Variants in UBE2E2 observed in about 807,000 individuals in gnomAD.
The protein encoded by UBE2E2 is ubiquitin-conjugating enzyme E2 E2.
A neutral mutation model predicts 24.7 loss-of-function variants in UBE2E2; 6 were observed. The ratio of observed to expected loss-of-function variants is 0.24; its 90% confidence interval spans 0.13 to 0.48. The LOEUF (loss-of-function observed/expected upper bound fraction) is 0.48, where lower values mean the gene tolerates loss of function less well. Ranked by LOEUF, UBE2E2 falls within the 20% of genes least tolerant of loss-of-function variation. The probability of loss-of-function intolerance (pLI) is 0.99; values close to 1 mark genes in which losing one functional copy is unlikely to be tolerated. For missense variants in UBE2E2, 169 were observed against 245.0 expected, an observed-to-expected ratio of 0.69 and a Z score of 2.07; for synonymous variants, 104 against 83.6, an observed-to-expected ratio of 1.24 and a Z score of -1.33.
intron 3 of UBE2E2, among the ~76,000 whole-genome samples, chr3:23,245,738 A>G (rs1224073575): frequency 7.2e-5 from 11 of 152,178 alleles, no homozygotes; most frequent in Admixed American, 5.2e-4. Context: ...GCACCATCAT[A>G]TCTGTTATCT....
At chr3:23,502,226 C>G (rs1183241384) in intron 4 of UBE2E2, among the ~76,000 whole-genome samples, 1 of 81,000 alleles carries the variant, frequency 1.2e-5, no homozygotes, top group East Asian at 4.0e-4. Flanking sequence ...ATTTTTCTCT[C>G]TTTTGCTCTT....
At chr3:23,339,123 C>T (rs1391643692) in intron 3 of UBE2E2, among the ~76,000 whole-genome samples, 4 of 152,022 alleles carry the variant, frequency 2.6e-5, no homozygotes, top group South Asian at 2.1e-4. Context: ...GTACTGAGAA[C>T]GACACAACAT....
intron 3 of UBE2E2, among the ~76,000 whole-genome samples, chr3:23,268,025 T>C (rs1446642389): frequency 6.6e-6 from 1 of 151,584 alleles, no homozygotes; most frequent in Non-Finnish European, 1.5e-5. Context: ...CTAAAAACTC[T>C]CAATAAATTA....
chr3:23,591,699 A>G lies in UBE2E2; in HGVS notation c.*1868A>G, dbSNP rs541950815. On this transcript the variant is annotated 3_prime_UTR_variant, in exon 6 of 6. Coordinates refer to ENST00000396703, the MANE Select transcript of UBE2E2 (RefSeq NM_152653.4). ...GGGTTGTAGTTTGCCAATCCCTGAC[A>G]CAGACCAACATAGACTGGGGGCTGG... The G allele has an allele frequency of 1.1e-4, 16 of 152,340 alleles. No homozygotes were observed. In the South Asian group the frequency reaches 3.3e-3, roughly 32 times the overall value. The allele number at this position is 152,340 out of a possible 1,614,324, so 9.4% of individuals were successfully genotyped here. A position where few individuals can be genotyped will look rare whatever the true frequency, so the allele number is the denominator to read the frequency against.
At chr3:23,501,911 GA>G (rs906164817) in intron 4 of UBE2E2, among the ~76,000 whole-genome samples, 3 of 145,756 alleles carry the variant, frequency 2.1e-5, no homozygotes, top group Non-Finnish European at 4.6e-5. Flanking sequence ...TCTCTAAGGA[GA>G]AAAAAAAAAG....
chr3:23,391,362 C>T (rs1196037611), intron 3 of UBE2E2, among the ~76,000 whole-genome samples: 2 of 152,090 alleles, frequency 1.3e-5, no homozygotes, highest in African/African-American at 4.8e-5. Context: ...ATATGCAAAC[C>T]ATAGTTCAGG....
intron 3 of UBE2E2, among the ~76,000 whole-genome samples, chr3:23,412,060 A>T (rs1009020277): frequency 2.0e-5 from 3 of 152,162 alleles, no homozygotes; most frequent in African/African-American, 7.2e-5. Flanking sequence ...AGCAACACTT[A>T]GATGACAGTG....
rs530885346 is a variant in UBE2E2 at position 23,455,959 on chromosome 3, A to C, written c.228-43649A>C. On this transcript the variant is annotated intron_variant, in intron 3 of 5. Transcript: ENST00000396703. ...GTTGTTTGGCAGTATTTTACCCACA[A>C]TGTAACTTCTTTCAAAATTGGAGTC... 2.0e-5 allele frequency among the ~76,000 whole-genome samples: 3 copies of C among 152,220 alleles called. No homozygotes were observed. In the South Asian group the frequency reaches 6.2e-4, roughly 32 times the overall value.
intron 3 of UBE2E2, among the ~76,000 whole-genome samples, chr3:23,291,637 A>C (rs1698766702): frequency 6.6e-6 from 1 of 151,316 alleles, no homozygotes; most frequent in Admixed American, 6.6e-5. Flanking sequence ...AAAATAAAAC[A>C]ATGTAATCAG....
At chr3:23,307,275 A>G (rs1032859921) in intron 3 of UBE2E2, among the ~76,000 whole-genome samples, 2 of 152,038 alleles carry the variant, frequency 1.3e-5, no homozygotes, top group Admixed American at 6.6e-5. Context: ...CTCCCTCTGT[A>G]TAGTCATTCT....
intron 3 of UBE2E2, among the ~76,000 whole-genome samples, chr3:23,443,208 A>G (rs976557664): frequency 2.0e-4 from 30 of 152,142 alleles, no homozygotes; most frequent in African/African-American, 6.8e-4. Flanking sequence ...CCACCTCTGA[A>G]CTCCAGAGGA....
intron 3 of UBE2E2, among the ~76,000 whole-genome samples, chr3:23,394,139 C>T (rs767384125): frequency 6.6e-6 from 1 of 152,172 alleles, no homozygotes; most frequent in South Asian, 2.1e-4. Flanking sequence ...TGGAAAGATG[C>T]GTGCAAACAG....
intron 3 of UBE2E2, among the ~76,000 whole-genome samples, chr3:23,354,518 A>T (rs1232565051): frequency 6.6e-6 from 1 of 152,176 alleles, no homozygotes; most frequent in African/African-American, 2.4e-5. Flanking sequence ...TCTACAATGA[A>T]CTCCAACAAA....
chr3:23,359,168 T>A (rs570713460), intron 3 of UBE2E2, among the ~76,000 whole-genome samples: 7 of 152,332 alleles, frequency 4.6e-5, no homozygotes, highest in Non-Finnish European at 7.3e-5. Context: ...AATGACTAGT[T>A]TTTTGTCTTT....
intron 3 of UBE2E2, among the ~76,000 whole-genome samples, chr3:23,484,772 G>A (rs567837547): frequency 6.6e-6 from 1 of 152,306 alleles, no homozygotes; most frequent in African/African-American, 2.4e-5. Context: ...ATGGTGGCAG[G>A]CAAGAGAGCT....
chr3:23,408,160 A>G (rs930270809), intron 3 of UBE2E2, among the ~76,000 whole-genome samples: 2 of 152,196 alleles, frequency 1.3e-5, no homozygotes, highest in Non-Finnish European at 2.9e-5. Flanking sequence ...TATTAAATAC[A>G]TGCTTTACAC....
At chr3:23,216,932 A>T (rs1696491735) in intron 2 of UBE2E2, among the ~76,000 whole-genome samples, 1 of 152,138 alleles carries the variant, frequency 6.6e-6, no homozygotes. Context: ...GGAATGCTCT[A>T]ATACAAAACA....
intron 3 of UBE2E2, among the ~76,000 whole-genome samples, chr3:23,382,387 G>C (rs1575596818): frequency 6.6e-6 from 1 of 151,926 alleles, no homozygotes; most frequent in East Asian, 1.9e-4. Flanking sequence ...TTACCATGTT[G>C]GCCAGGCTGG....
chr3:23,323,083 GATTT>G (rs1474661835), intron 3 of UBE2E2, among the ~76,000 whole-genome samples: 1 of 151,896 alleles, frequency 6.6e-6, no homozygotes, highest in African/African-American at 2.4e-5. Flanking sequence ...GAATTATCTA[GATTT>G]ATTAGGCTTA....
Sources: gnomAD v4.1 joint callset for allele counts (sites outside exome capture counted in the v4.1 genomes callset) on GRCh38, gnomAD v4.1.1 for gene constraint, MANE v1.5 for transcripts, NCBI Gene and HGNC (gene_info 2026-07-23, HGNC 2026-07-21) for gene names.